CACNA1S: variants seen among roughly 807,000 people sequenced by gnomAD.
The protein encoded by CACNA1S is voltage-dependent L-type calcium channel subunit alpha-1S.
CACNA1S carries 126 observed loss-of-function variants against 207.4 expected under a neutral mutation model. The ratio of observed to expected loss-of-function variants is 0.61; its 90% CI spans 0.53 to 0.70. The LOEUF (loss-of-function observed/expected upper bound fraction) is 0.70, where lower values mean the gene tolerates loss of function less well. Ranked by LOEUF, CACNA1S falls within the 30% of genes least tolerant of loss-of-function variation. CACNA1S has a pLI of 0.00. For missense variants in CACNA1S, 2,349 were observed against 2,422.8 expected (o/e 0.97, Z 0.64); for synonymous variants, 960 against 932.7 (o/e 1.03, Z -0.53).
At chr1:201,042,760 G>T (rs1660311936) in intron 40 of CACNA1S, 1 of 167,404 alleles carries the variant, frequency 6.0e-6, no homozygotes, top group South Asian at 1.5e-4. Context: ...CAGAAGCTTT[G>T]CCTGAGCCTA....
intron 2 of CACNA1S, 149 bp from the exon 3 acceptor site, chr1:201,094,170 C>A (rs894623230): frequency 2.5e-6 from 2 of 801,558 alleles, no homozygotes; most frequent in Admixed American, 2.0e-5. Flanking sequence ...CCTACCCCCC[C>A]ACTCCACACC....
rs1038393089 is a variant in CACNA1S at position 201,067,005 on chromosome 1, G to C, written c.2551-12C>G. 6.3e-7 allele frequency: 1 copy of C among 1,588,272 alleles called. No homozygotes were observed. The highest frequency in any genetic ancestry group is 8.6e-7 in the Non-Finnish European group (1 of 1,156,956). On this transcript the variant is annotated splice_polypyrimidine_tract_variant and intron_variant, in intron 19 of 43. Coordinates refer to ENST00000362061, the MANE Select transcript of CACNA1S (RefSeq NM_000069.3). ...CCGTAGGTCGTCATCTGGGGAGAAA[G>C]AGGCAGCAGCCTGGATGGAGGAGCT...
intron 2 of CACNA1S, among the ~76,000 whole-genome samples, chr1:201,102,185 C>T (rs1662697355): frequency 6.6e-6 from 1 of 152,140 alleles, no homozygotes; most frequent in African/African-American, 2.4e-5. Flanking sequence ...AGGAGGGGGT[C>T]CTCCTGGAGT....
intron 10 of CACNA1S, among the ~76,000 whole-genome samples, chr1:201,082,502 C>T (rs761980392): frequency 1.3e-5 from 2 of 152,184 alleles, no homozygotes; most frequent in African/African-American, 2.4e-5. Context: ...GGATCCCCTC[C>T]TCCCTTTGAC....
chr1:201,047,285 T>C (rs1660502672), intron 37 of CACNA1S, 46 bp from the exon 38 acceptor site: 1 of 1,613,342 alleles, frequency 6.2e-7, no homozygotes, highest in Non-Finnish European at 8.5e-7. Context: ...AGTGGGAATC[T>C]GACACTGGAT....
chr1:201,061,877 G>A, intron 24 of CACNA1S, 67 bp downstream of exon 24: 3 of 1,577,800 alleles, frequency 1.9e-6, no homozygotes, highest in Non-Finnish European at 2.6e-6. Context: ...GCTGCAGAAG[G>A]GCAGGCTGGC....
At chr1:201,067,323 C>T (rs1661283475) in intron 19 of CACNA1S, among the ~76,000 whole-genome samples, 1 of 152,134 alleles carries the variant, frequency 6.6e-6, no homozygotes, top group South Asian at 2.1e-4. Context: ...TAAAACTTCT[C>T]CTTCCTGGAA....
chr1:201,041,611 G>A (rs376833522), intron 40 of CACNA1S, 22 bp from the exon 41 acceptor site: 8 of 1,566,600 alleles, frequency 5.1e-6, no homozygotes, highest in Non-Finnish European at 6.2e-6. Context: ...GCAAGGCTGG[G>A]TGAACCAGAG....
Position 201,052,596 on chromosome 1 carries a change from T to A in CACNA1S, c.3914A>T (p.Asn1305Ile). 1 of 1,613,888 alleles carries A rather than the reference T, an allele frequency of 6.2e-7. No individual in the cohort carries two copies. The highest frequency in any genetic ancestry group is 8.5e-7 in the Non-Finnish European group (1 of 1,179,920). The stretch of plus-strand genomic sequence containing the variant: ...CACAGCTTGTGGGAAGGTCTGGAAG[T>A]TGTTGTTCCGGTTTATTTGGGTCCC... ...VDGTQINRNNNFQTFPQAVLL... is the reference protein window; with the variant it reads ...VDGTQINRNNIFQTFPQAVLL... Residue 1305 changes from asparagine (N) to isoleucine (I), a missense_variant, in exon 32 of 44, where the codon AAC (asparagine) becomes ATC (isoleucine). Coordinates refer to ENST00000362061, the MANE Select transcript of CACNA1S (RefSeq NM_000069.3).
rs55651815 is a variant in CACNA1S, at chr1:201,110,386, C to T, written c.153-117G>A. ...CTCTGATGCCAGGCTGCTGGACAGG[C>T]TCATGGACGCTCGCCCACGCTGCTC... On this transcript the variant is annotated intron_variant, in intron 1 of 43. Transcript: ENST00000362061. 2.6e-3 allele frequency: 2,280 copies of T among 860,722 alleles called. 21 individuals carry two copies. In the Middle Eastern group the frequency reaches 0.053, roughly 20 times the overall value. The allele number at this position is 860,722 out of a possible 1,614,324, so 53.3% of individuals were successfully genotyped here. A position where few individuals can be genotyped will look rare whatever the true frequency, so the allele number is the denominator to read the frequency against.
At chr1:201,054,350 C>G (rs557839381) in intron 29 of CACNA1S, among the ~76,000 whole-genome samples, 155 bp downstream of exon 29, 1 of 152,320 alleles carries the variant, frequency 6.6e-6, no homozygotes, top group East Asian at 1.9e-4. Flanking sequence ...TGCCCCCACC[C>G]GAGCCTAGCC....
chr1:201,088,000 A>G (rs766673876), intron 6 of CACNA1S, 71 bp from the exon 7 acceptor site: 10 of 973,952 alleles, frequency 1.0e-5, no homozygotes, highest in Non-Finnish European at 1.6e-5. Context: ...GCTCATTAAG[A>G]CTCCACCCAA....
At chr1:201,092,651 C>T (rs1357955304) in intron 3 of CACNA1S, among the ~76,000 whole-genome samples, 3 of 152,222 alleles carry the variant, frequency 2.0e-5, no homozygotes, top group Non-Finnish European at 4.4e-5. Flanking sequence ...CTTCTAACGG[C>T]AGAACTCCCT....
In CACNA1S at chr1:201,061,217, G is replaced by A. The variant is rs955430367; in HGVS notation, c.3255+50C>T. 7 of 1,543,862 alleles carry A rather than the reference G, an allele frequency of 4.5e-6. No individual in the cohort carries two copies. In the African/African-American group the frequency reaches 6.8e-5, roughly 15 times the overall value. On this transcript the variant is annotated intron_variant, in intron 25 of 43. Transcript: ENST00000362061. Reference sequence around the variant, plus strand: ...GCTGAACCTAGGGCTTGGGCCAGCAGGAGGCCTGCTGGAGCTCTGCCCTCC... The same window carrying A: ...GCTGAACCTAGGGCTTGGGCCAGCAAGAGGCCTGCTGGAGCTCTGCCCTCC...
intron 15 of CACNA1S, among the ~76,000 whole-genome samples, 176 bp from the exon 16 acceptor site, chr1:201,073,000 G>C (rs1240482219): frequency 6.6e-6 from 1 of 152,190 alleles, no homozygotes; most frequent in Non-Finnish European, 1.5e-5. Context: ...GCCCAGCAAG[G>C]CCAGACAACT....
intron 26 of CACNA1S, among the ~76,000 whole-genome samples, chr1:201,059,945 G>C (rs1191762241): frequency 3.3e-5 from 5 of 152,212 alleles, no homozygotes; most frequent in Non-Finnish European, 5.9e-5. Context: ...CAGGTAGTTT[G>C]GGAGGATCTG....
At chr1:201,041,396 C>G in intron 41 of CACNA1S, 108 bp downstream of exon 41, 1 of 840,944 alleles carries the variant, frequency 1.2e-6, no homozygotes, top group Non-Finnish European at 2.0e-6. Flanking sequence ...TAACAGGCTC[C>G]CAAGCCAGCC....
At position 201,066,585 on chromosome 1, in the gene CACNA1S, C is replaced by T. The variant is rs745608594; in HGVS notation, c.2658-269G>A. Among the ~76,000 whole-genome samples the T allele has an allele frequency of 6.6e-6, 1 of 152,198 alleles. No homozygotes were observed. The highest frequency in any genetic ancestry group is 2.4e-5 in the African/African-American group (1 of 41,450). On this transcript the variant is annotated intron_variant, in intron 20 of 43. Coordinates refer to ENST00000362061, the MANE Select transcript of CACNA1S (RefSeq NM_000069.3). The surrounding 1 kb of genome is among the most constrained non-coding windows in gnomAD (Gnocchi z 4.3). Reference sequence around the variant, plus strand: ...GGGTGGCTAGAAGCTCCGTCCCTCCCGTCAGACGGTGAGCACCCCAAAGGC... The same window carrying T: ...GGGTGGCTAGAAGCTCCGTCCCTCCTGTCAGACGGTGAGCACCCCAAAGGC...
At chr1:201,043,179 C>T (rs1572018849) in intron 40 of CACNA1S, 102 bp downstream of exon 40, 3 of 1,483,154 alleles carry the variant, frequency 2.0e-6, no homozygotes, top group South Asian at 2.3e-5. Flanking sequence ...AAGCAAAAGA[C>T]ACCCTACAAA....
Sources: gnomAD v4.1 joint callset for allele counts (sites outside exome capture counted in the v4.1 genomes callset) on GRCh38, gnomAD v4.1.1 for gene constraint, Gnocchi (gnomAD v3.1) non-coding constraint, MANE v1.5 for transcripts, NCBI Gene and HGNC (gene_info 2026-07-23, HGNC 2026-07-21) for gene names.